Variants in PHACTR3 observed in about 807,000 individuals in gnomAD.
The protein encoded by PHACTR3 is phosphatase and actin regulator 3.
In PHACTR3, 16 loss-of-function variants were observed where a neutral mutation model predicts 66.8. The observed-to-expected ratio is 0.24, with a 90% confidence interval of 0.16 to 0.36. PHACTR3 has a LOEUF of 0.36. Ranked by LOEUF, PHACTR3 falls within the 10% of genes least tolerant of loss-of-function variation. PHACTR3 has a pLI of 1.00. For missense variants in PHACTR3, 647 were observed against 719.9 expected (o/e 0.90, Z 1.16); for synonymous variants, 323 against 292.1 (o/e 1.11, Z -1.08).
intron 7 of PHACTR3, among the ~76,000 whole-genome samples, chr20:59,795,775 A>G (rs997220788): frequency 6.6e-6 from 1 of 152,090 alleles, no homozygotes; most frequent in Admixed American, 6.5e-5. Context: ...AGATATAAGC[A>G]TAGCTACTCC....
chr20:59,655,833 T>A (rs1203286617), intron 1 of PHACTR3, among the ~76,000 whole-genome samples: 1 of 151,928 alleles, frequency 6.6e-6, no homozygotes, highest in African/African-American at 2.4e-5. Context: ...TAAATTTTGC[T>A]TCATTGTTTC....
intron 1 of PHACTR3, among the ~76,000 whole-genome samples, chr20:59,688,702 A>G (rs2036989175): frequency 6.6e-6 from 1 of 151,784 alleles, no homozygotes; most frequent in African/African-American, 2.4e-5. Context: ...TCTTAACTGC[A>G]GTTACATTTT....
chr20:59,806,661 C>G (rs374418507), intron 8 of PHACTR3, among the ~76,000 whole-genome samples: 3 of 152,224 alleles, frequency 2.0e-5, no homozygotes, highest in African/African-American at 4.8e-5. Context: ...GCTACCCCCC[C>G]ACCCACATAC....
At chr20:59,723,387 C>A (rs925141300) in intron 1 of PHACTR3, among the ~76,000 whole-genome samples, 3 of 152,062 alleles carry the variant, frequency 2.0e-5, no homozygotes, top group Non-Finnish European at 4.4e-5. Context: ...TGTGCTGTGG[C>A]AGGGTTGTTT....
At chr20:59,763,483 T>A (rs192067750) in intron 4 of PHACTR3, among the ~76,000 whole-genome samples, 2 of 152,174 alleles carry the variant, frequency 1.3e-5, no homozygotes, top group East Asian at 3.8e-4. Flanking sequence ...GATGGGTTGA[T>A]GGTTGAATGA....
intron 1 of PHACTR3, among the ~76,000 whole-genome samples, chr20:59,713,052 C>A (rs1253510243): frequency 6.6e-6 from 1 of 152,210 alleles, no homozygotes; most frequent in Admixed American, 6.5e-5. Context: ...GTGAACAAAG[C>A]GAGTTTGCCT....
intron 7 of PHACTR3, among the ~76,000 whole-genome samples, chr20:59,802,984 C>T (rs1402982435): frequency 6.6e-6 from 1 of 152,186 alleles, no homozygotes; most frequent in Non-Finnish European, 1.5e-5. Context: ...AGAAAAAGGC[C>T]TTTTGCACTG....
In PHACTR3 at chr20:59,829,247, C is replaced by T. The variant is rs539317957; in HGVS notation, c.1329-7258C>T. Among the ~76,000 whole-genome samples the T allele has an allele frequency of 8.6e-4, 131 of 152,262 alleles. No individual in the cohort carries two copies. Among genetic ancestry groups the T allele is most frequent in the African/African-American group, 3.0e-3 (124 of 41,558 alleles). ...TGGGGCTTGCCCCAGGCATGTGGAC[C>T]AGCAGCCAGCACCTCTCAGCTGAGC... On this transcript the variant is annotated intron_variant, in intron 8 of 12. Transcript: ENST00000371015. This position sits in a 1 kb window ranked among gnomAD's most constrained non-coding sequence, Gnocchi z 4.2.
chr20:59,758,281 T>C (rs907855847), intron 4 of PHACTR3, among the ~76,000 whole-genome samples: 1 of 152,166 alleles, frequency 6.6e-6, no homozygotes, highest in African/African-American at 2.4e-5. Flanking sequence ...AATGAAAAAG[T>C]TTAAACATTA....
intron 1 of PHACTR3, among the ~76,000 whole-genome samples, chr20:59,580,150 G>C (rs1392359070): frequency 6.6e-6 from 1 of 152,096 alleles, no homozygotes; most frequent in Non-Finnish European, 1.5e-5. Context: ...CAGAGAGTGT[G>C]GCTGGGTTTC....
chr20:59,650,989 T>A (rs2035441690), intron 1 of PHACTR3, among the ~76,000 whole-genome samples: 1 of 152,166 alleles, frequency 6.6e-6, no homozygotes, highest in African/African-American at 2.4e-5. Flanking sequence ...AAGCAAGATG[T>A]CAAGATGTTA....
intron 8 of PHACTR3, among the ~76,000 whole-genome samples, chr20:59,827,967 G>C (rs1223263556): frequency 6.6e-6 from 1 of 152,182 alleles, no homozygotes; most frequent in East Asian, 1.9e-4. Flanking sequence ...ACAGCAACTG[G>C]AGCTCCTGCT....
chr20:59,624,197 T>C (rs1441380699), intron 1 of PHACTR3, among the ~76,000 whole-genome samples: 1 of 152,120 alleles, frequency 6.6e-6, no homozygotes, highest in Non-Finnish European at 1.5e-5. Context: ...TTTGGATATT[T>C]TGATCCCCAG....
intron 1 of PHACTR3, among the ~76,000 whole-genome samples, chr20:59,610,189 A>T (rs2033805929): frequency 6.6e-6 from 1 of 152,222 alleles, no homozygotes; most frequent in Non-Finnish European, 1.5e-5. Context: ...GGGGAAGCAG[A>T]GGTTGCATGG....
chr20:59,613,055 T>C (rs1297676180), intron 1 of PHACTR3, among the ~76,000 whole-genome samples: 1 of 152,090 alleles, frequency 6.6e-6, no homozygotes, highest in Non-Finnish European at 1.5e-5. Context: ...GCCCCCATGA[T>C]TCAAACACCT....
At chr20:59,676,411 T>G (rs567551039) in intron 1 of PHACTR3, among the ~76,000 whole-genome samples, 47 of 152,298 alleles carry the variant, frequency 3.1e-4, no homozygotes, top group African/African-American at 1.1e-3. Flanking sequence ...GGCCAGCACT[T>G]GATCCACTGA....
chr20:59,638,146 C>G (rs1189289475), intron 1 of PHACTR3, among the ~76,000 whole-genome samples: 1 of 152,220 alleles, frequency 6.6e-6, no homozygotes, highest in Non-Finnish European at 1.5e-5. Context: ...AGGTGGGGTT[C>G]ACTGGTATAA....
At chr20:59,773,907 T>C (rs887593584) in intron 6 of PHACTR3, among the ~76,000 whole-genome samples, 13 of 152,330 alleles carry the variant, frequency 8.5e-5, no homozygotes, top group African/African-American at 3.1e-4. Flanking sequence ...AGAGGTAAAA[T>C]AGGTAATAGG....
intron 1 of PHACTR3, among the ~76,000 whole-genome samples, chr20:59,657,691 C>T (rs972497214): frequency 6.6e-6 from 1 of 152,130 alleles, no homozygotes; most frequent in Admixed American, 6.5e-5. Flanking sequence ...TTGAGGCATC[C>T]TTGCAGTGAC....
Sources: gnomAD v4.1 joint callset for allele counts (sites outside exome capture counted in the v4.1 genomes callset) on GRCh38, gnomAD v4.1.1 for gene constraint, Gnocchi (gnomAD v3.1) non-coding constraint, MANE v1.5 for transcripts, NCBI Gene and HGNC (gene_info 2026-07-23, HGNC 2026-07-21) for gene names.